Variants in DLGAP1 observed in about 807,000 individuals in gnomAD.
DLGAP1 encodes the protein DLG associated protein 1.
A neutral mutation model predicts 90.8 loss-of-function variants in DLGAP1; 11 were observed. The ratio of observed to expected loss-of-function variants is 0.12; its 90% CI spans 0.08 to 0.20. The LOEUF is 0.20. Ranked by LOEUF, DLGAP1 falls within the 10% of genes least tolerant of loss-of-function variation. The probability of loss-of-function intolerance (pLI) is 1.00; values close to 1 mark genes in which losing one functional copy is unlikely to be tolerated. For synonymous variants in DLGAP1, 558 were observed against 540.7 expected (o/e 1.03, Z -0.44); for missense variants, 1,050 against 1,333.8 (o/e 0.79, Z 3.31).
At chr18:4,257,735 C>T (rs955205072) in intron 1 of DLGAP1, among the ~76,000 whole-genome samples, 44 of 151,852 alleles carry the variant, frequency 2.9e-4, no homozygotes, top group African/African-American at 1.0e-3. Flanking sequence ...AGCAATTCTC[C>T]TGCCTCAGCC....
intron 1 of DLGAP1, among the ~76,000 whole-genome samples, chr18:4,432,072 T>C (rs1487981439): frequency 2.6e-5 from 4 of 152,248 alleles, no homozygotes; most frequent in Admixed American, 6.5e-5. Flanking sequence ...TGGTGTCTTA[T>C]ACTTTTTGAT....
At chr18:3,973,127 A>C (rs895591333) in intron 3 of DLGAP1, among the ~76,000 whole-genome samples, 5 of 152,092 alleles carry the variant, frequency 3.3e-5, no homozygotes, top group African/African-American at 1.2e-4. Context: ...GTTTTTATTC[A>C]AGTTGAGTAA....
At chr18:4,090,947 A>T (rs528331246) in intron 2 of DLGAP1, among the ~76,000 whole-genome samples, 1 of 152,358 alleles carries the variant, frequency 6.6e-6, no homozygotes, top group East Asian at 1.9e-4. Context: ...TTGCAGGGAC[A>T]TGGATGGAGC....
At chr18:4,246,922 A>T (rs182619779) in intron 1 of DLGAP1, among the ~76,000 whole-genome samples, 1 of 152,186 alleles carries the variant, frequency 6.6e-6, no homozygotes, top group African/African-American at 2.4e-5. Context: ...TTCTTTCATC[A>T]TCATATCTTG....
intron 2 of DLGAP1, among the ~76,000 whole-genome samples, chr18:4,043,904 T>C (rs2075012292): frequency 6.6e-6 from 1 of 152,220 alleles, no homozygotes; most frequent in Non-Finnish European, 1.5e-5. Flanking sequence ...GTAAGAACTA[T>C]GTAGAGGGGA....
At chr18:3,918,706 G>T (rs144107956) in intron 3 of DLGAP1, among the ~76,000 whole-genome samples, 7 of 152,196 alleles carry the variant, frequency 4.6e-5, no homozygotes, top group African/African-American at 1.7e-4. Flanking sequence ...CCTGGGGATC[G>T]TGGGCAGGAA....
chr18:3,565,556 C>T lies in DLGAP1; in HGVS notation c.2057+1934G>A, dbSNP rs2054377501. Among the ~76,000 whole-genome samples the T allele has an allele frequency of 6.6e-6, 1 of 152,120 alleles. No individual in the cohort carries two copies. The highest frequency in any genetic ancestry group is 2.1e-4 in the South Asian group (1 of 4,830). Reference sequence around the variant, plus strand: ...AGGACATTAAAGCAATGATTACCGGCCCAGCGCGGTGGCTCACGCCTGTAA... The same window carrying T: ...AGGACATTAAAGCAATGATTACCGGTCCAGCGCGGTGGCTCACGCCTGTAA... On this transcript the variant is annotated intron_variant, in intron 9 of 12. Transcript: ENST00000315677. This position sits in a 1 kb window ranked among gnomAD's most constrained non-coding sequence, Gnocchi z 4.0.
At chr18:3,605,816 C>T (rs531118365) in intron 7 of DLGAP1, among the ~76,000 whole-genome samples, 15 of 64,208 alleles carry the variant, frequency 2.3e-4, no homozygotes, top group African/African-American at 1.1e-3. Context: ...AGCTTTTTAG[C>T]GGCAGGAGAT....
intron 2 of DLGAP1, among the ~76,000 whole-genome samples, chr18:4,104,881 A>G (rs2075834126): frequency 6.6e-6 from 1 of 152,238 alleles, no homozygotes; most frequent in South Asian, 2.1e-4. Context: ...TCAAAATTCT[A>G]TTAAGTTTGT....
rs543125601 is a variant in DLGAP1 at position 3,696,139 on chromosome 18, C to T, written c.1591+32996G>A. ...TCCAAATATACAATCATGTCATCTGCAAACAGAGACAATTTGACTTCCCCT... is the reference window on the plus strand; with the variant it reads ...TCCAAATATACAATCATGTCATCTGTAAACAGAGACAATTTGACTTCCCCT... On this transcript the variant is annotated intron_variant, in intron 7 of 12. Transcript: ENST00000315677. Among the ~76,000 whole-genome samples, 8 of 152,312 alleles carry T rather than the reference C, an allele frequency of 5.3e-5. No individual in the cohort carries two copies. In the East Asian group the frequency reaches 1.5e-3, roughly 29 times the overall value.
intron 4 of DLGAP1, among the ~76,000 whole-genome samples, chr18:3,855,367 A>G (rs2069576731): frequency 6.6e-6 from 1 of 152,088 alleles, no homozygotes; most frequent in Non-Finnish European, 1.5e-5. Context: ...TAATCTGTAC[A>G]CCAAATCCCC....
At chr18:4,147,530 G>A (rs1165561372) in intron 2 of DLGAP1, among the ~76,000 whole-genome samples, 1 of 152,016 alleles carries the variant, frequency 6.6e-6, no homozygotes, top group Non-Finnish European at 1.5e-5. Flanking sequence ...TAAGTTTCAT[G>A]TTGAAACCAG....
At chr18:4,289,045 A>G (rs867485212) in intron 1 of DLGAP1, among the ~76,000 whole-genome samples, 3 of 152,286 alleles carry the variant, frequency 2.0e-5, no homozygotes, top group Middle Eastern at 6.8e-3. Context: ...TGAAAACGGA[A>G]TAACAGATAA....
chr18:4,155,071 C>T (rs560664939), intron 1 of DLGAP1, among the ~76,000 whole-genome samples: 1 of 151,856 alleles, frequency 6.6e-6, no homozygotes, highest in Non-Finnish European at 1.5e-5. Flanking sequence ...AGAAGGGATT[C>T]CACCAAGAAA....
rs555921797 is a variant in DLGAP1, at chr18:3,527,613, CAG to C, written c.2479+6579_2479+6580del. On this transcript the variant is annotated intron_variant, in intron 10 of 12. Transcript: ENST00000315677. ...TTTGTTGTTTTTTGTTTGTTTGAGA[CAG>C]AGTCTCCCTCTGTCTCCCAGGCTGG... Among the ~76,000 whole-genome samples the C allele has an allele frequency of 2.8e-3, 419 of 151,688 alleles. 1 individual carries two copies. The highest frequency in any genetic ancestry group is 9.7e-3 in the African/African-American group (403 of 41,360).
At chr18:4,349,711 T>A (rs1292444141) in intron 1 of DLGAP1, among the ~76,000 whole-genome samples, 1 of 151,834 alleles carries the variant, frequency 6.6e-6, no homozygotes, top group African/African-American at 2.4e-5. Flanking sequence ...TTATACGAAA[T>A]TAAAAAAACC....
chr18:3,819,466 A>G (rs1343905176), intron 4 of DLGAP1, among the ~76,000 whole-genome samples: 1 of 152,230 alleles, frequency 6.6e-6, no homozygotes, highest in African/African-American at 2.4e-5. Flanking sequence ...ATGTATGAGA[A>G]GAAAAACAAG....
In DLGAP1 at chr18:4,301,490, C is replaced by T. The variant is rs2080124601; in HGVS notation, c.-266-150203G>A. On this transcript the variant is annotated intron_variant, in intron 1 of 12. Transcript: ENST00000315677. ...TCTTTCTTTTTAAAAGTGCATAGTA[C>T]TCCATTGCATGTGTTTGTATATATA... 1.3e-5 allele frequency among the ~76,000 whole-genome samples: 2 copies of T among 152,158 alleles called. 1 individual carries two copies. Among genetic ancestry groups the T allele is most frequent in the Non-Finnish European group, 2.9e-5 (2 of 68,036 alleles).
At chr18:3,514,990 A>T (rs2050746384) in intron 10 of DLGAP1, among the ~76,000 whole-genome samples, 2 of 152,100 alleles carry the variant, frequency 1.3e-5, no homozygotes, top group East Asian at 1.9e-4. Flanking sequence ...CGATCCACTC[A>T]TCTTGGACTC....
Sources: allele counts gnomAD v4.1 joint callset (sites outside exome capture counted in the v4.1 genomes callset), GRCh38; gene constraint gnomAD v4.1.1; non-coding constraint Gnocchi (gnomAD v3.1); transcripts MANE v1.5; gene names NCBI Gene and HGNC (gene_info 2026-07-23, HGNC 2026-07-21).